Variants in BABAM2 observed in about 807,000 individuals in gnomAD.
BABAM2 encodes the protein BRISC and BRCA1-A complex member 2.
In BABAM2, 31 loss-of-function variants were observed where a neutral mutation model predicts 54.7. The observed-to-expected ratio is 0.57, with a 90% CI of 0.43 to 0.77. The LOEUF (loss-of-function observed/expected upper bound fraction) is 0.77. BABAM2 is among the 30% of genes least tolerant of loss of function. The pLI is 0.00. For missense variants in BABAM2, 364 were observed against 455.8 expected, an observed-to-expected ratio of 0.80 and a Z score of 1.83; for synonymous variants, 167 against 162.9, an observed-to-expected ratio of 1.03 and a Z score of -0.19.
At chr2:28,110,861 C>T (rs1165093202) in intron 6 of BABAM2, among the ~76,000 whole-genome samples, 1 of 152,030 alleles carries the variant, frequency 6.6e-6, no homozygotes, top group African/African-American at 2.4e-5. Flanking sequence ...ACATTCTCGC[C>T]AACACTTGCT....
rs916294688 is a variant in BABAM2, at chr2:28,276,095, A to T, written c.935-22243A>T. On this transcript the variant is annotated intron_variant, in intron 10 of 11. Coordinates refer to ENST00000379624, the MANE Select transcript of BABAM2 (RefSeq NM_199191.3). The stretch of plus-strand genomic sequence containing the variant: ...CACAGTAAATAGTACAATTTAGCTG[A>T]GTAACTTGTGGAAGCTTGTTAGGTT... Among the ~76,000 whole-genome samples the T allele has an allele frequency of 2.0e-5, 3 of 152,130 alleles. 1 individual carries two copies. In the South Asian group the frequency reaches 6.2e-4, roughly 32 times the overall value.
intron 10 of BABAM2, among the ~76,000 whole-genome samples, chr2:28,274,168 G>C (rs926016843): frequency 5.3e-5 from 8 of 152,080 alleles, no homozygotes; most frequent in Admixed American, 1.3e-4. Flanking sequence ...TCCCCATCCA[G>C]CTTTCTCTCC....
chr2:28,155,106 C>T (rs1672424721), intron 7 of BABAM2, among the ~76,000 whole-genome samples: 1 of 152,042 alleles, frequency 6.6e-6, no homozygotes, highest in South Asian at 2.1e-4. Flanking sequence ...TTTAAAAAAT[C>T]TTGAAGGTCG....
intron 2 of BABAM2, among the ~76,000 whole-genome samples, chr2:27,917,551 C>T (rs1667071326): frequency 6.6e-6 from 1 of 152,090 alleles, no homozygotes; most frequent in African/African-American, 2.4e-5. Flanking sequence ...CGAGCTCCCT[C>T]AGGCCTCTTT....
chr2:27,965,713 T>C (rs1670789949), intron 3 of BABAM2, among the ~76,000 whole-genome samples: 1 of 152,022 alleles, frequency 6.6e-6, no homozygotes, highest in African/African-American at 2.4e-5. Context: ...GTAAAATGTG[T>C]GTGTGCTTTA....
intron 3 of BABAM2, among the ~76,000 whole-genome samples, chr2:27,985,817 A>G (rs548806977): frequency 6.6e-6 from 1 of 152,318 alleles, no homozygotes; most frequent in South Asian, 2.1e-4. Flanking sequence ...AGCGTGTCAC[A>G]GTATCTCACA....
intron 1 of BABAM2, among the ~76,000 whole-genome samples, chr2:27,891,772 C>G (rs1378606986): frequency 6.9e-6 from 1 of 145,330 alleles, no homozygotes; most frequent in Non-Finnish European, 1.5e-5. Flanking sequence ...TGAAACCTTG[C>G]ACTGTTAAAA....
At chr2:28,297,312 G>A (rs1687776958) in intron 10 of BABAM2, among the ~76,000 whole-genome samples, 1 of 152,184 alleles carries the variant, frequency 6.6e-6, no homozygotes, top group East Asian at 1.9e-4. Flanking sequence ...GGAGTTCTAA[G>A]TAACAAATCA....
chr2:28,242,893 T>C (rs1166123075), intron 9 of BABAM2, among the ~76,000 whole-genome samples: 1 of 152,186 alleles, frequency 6.6e-6, no homozygotes, highest in Non-Finnish European at 1.5e-5. Flanking sequence ...GTACTTTTGA[T>C]ACAAATAGTG....
chr2:28,263,349 G>T (rs958085355), intron 10 of BABAM2, among the ~76,000 whole-genome samples: 1 of 152,142 alleles, frequency 6.6e-6, no homozygotes, highest in African/African-American at 2.4e-5. Context: ...TTTACAAAAA[G>T]CACCTCCAGA....
intron 2 of BABAM2, among the ~76,000 whole-genome samples, chr2:27,905,511 A>G (rs1012172942): frequency 7.2e-5 from 11 of 152,214 alleles, no homozygotes; most frequent in African/African-American, 2.7e-4. Flanking sequence ...TAAAGCACTT[A>G]CAGTAGTGCT....
chr2:28,176,627 A>G (rs13019314), intron 7 of BABAM2, among the ~76,000 whole-genome samples: 1 of 149,774 alleles, frequency 6.7e-6, no homozygotes, highest in East Asian at 2.0e-4. Context: ...ACACAGATAA[A>G]CCGTACAAAG....
chr2:27,959,304 A>T (rs1222213520), intron 3 of BABAM2, among the ~76,000 whole-genome samples: 6 of 152,214 alleles, frequency 3.9e-5, no homozygotes, highest in Non-Finnish European at 5.9e-5. Flanking sequence ...TTAGTGACAT[A>T]AGATACCTAA....
intron 2 of BABAM2, among the ~76,000 whole-genome samples, chr2:27,924,407 CAG>C (rs1277918678): frequency 2.0e-5 from 3 of 151,382 alleles, no homozygotes; most frequent in African/African-American, 7.3e-5. Flanking sequence ...TTTTTTTAGG[CAG>C]AGTCTCGCTC....
intron 6 of BABAM2, among the ~76,000 whole-genome samples, chr2:28,046,943 T>G (rs1378047591): frequency 6.6e-6 from 1 of 151,978 alleles, no homozygotes; most frequent in Non-Finnish European, 1.5e-5. Context: ...TAATTTTTTG[T>G]TTTTTGTAGA....
intron 7 of BABAM2, among the ~76,000 whole-genome samples, chr2:28,205,672 T>A (rs988025086): frequency 6.6e-6 from 1 of 152,152 alleles, no homozygotes; most frequent in Non-Finnish European, 1.5e-5. Flanking sequence ...AATATGGTCT[T>A]AAGTCTAAGC....
chr2:28,290,376 TA>T (rs1166475568), intron 10 of BABAM2, among the ~76,000 whole-genome samples: 1 of 152,228 alleles, frequency 6.6e-6, no homozygotes, highest in African/African-American at 2.4e-5. Flanking sequence ...CCTTTACTTT[TA>T]CTGTACAAGG....
chr2:27,893,301 T>G (rs889056301), intron 1 of BABAM2, among the ~76,000 whole-genome samples: 2 of 152,228 alleles, frequency 1.3e-5, no homozygotes, highest in African/African-American at 4.8e-5. Flanking sequence ...ATATGATGTA[T>G]TGGTTCTACT....
intron 10 of BABAM2, among the ~76,000 whole-genome samples, chr2:28,259,484 G>A (rs2148127720): frequency 6.6e-6 from 1 of 152,184 alleles, no homozygotes; most frequent in South Asian, 2.1e-4. Flanking sequence ...TTTGAGTTGA[G>A]TTTTTTATAC....
Sources: allele counts gnomAD v4.1 joint callset (sites outside exome capture counted in the v4.1 genomes callset), GRCh38; gene constraint gnomAD v4.1.1; transcripts MANE v1.5; gene names NCBI Gene and HGNC (gene_info 2026-07-23, HGNC 2026-07-21).